PCDHGB5: variants seen among roughly 807,000 people sequenced by gnomAD.
The protein encoded by PCDHGB5 is protocadherin gamma-B5.
Under a neutral mutation model 62.9 loss-of-function variants are expected in PCDHGB5, and 48 were observed. That is an observed-to-expected ratio of 0.76 (90% CI 0.61 to 0.97). PCDHGB5 has a LOEUF of 0.97. PCDHGB5 is among the 50% of genes least tolerant of loss of function. The pLI is 0.00. For missense variants in PCDHGB5, 1,118 were observed against 1,198.6 expected (o/e 0.93, Z 0.99); for synonymous variants, 474 against 511.2 (o/e 0.93, Z 0.98).
At chr5:141,435,919 T>C (rs2097786247) in intron 1 of PCDHGB5, among the ~76,000 whole-genome samples, 2 of 152,148 alleles carry the variant, frequency 1.3e-5, no homozygotes, top group South Asian at 4.1e-4. Flanking sequence ...GGCTCTAAAA[T>C]GCGGCAGTTG....
At chr5:141,427,733 C>T (rs2097062553) in intron 1 of PCDHGB5, 2 of 1,200,562 alleles carry the variant, frequency 1.7e-6, no homozygotes, top group East Asian at 4.7e-5. Context: ...GGCTGAATGG[C>T]CAAGTCTCCT....
intron 1 of PCDHGB5, chr5:141,400,754 C>A (rs6880273): frequency 0.26 from 150,367 of 588,610 alleles, 21,664 homozygotes; most frequent in African/African-American, 0.5. Context: ...TTAGCTTCCT[C>A]TCTAGCAAAA....
At chr5:141,409,402 C>G (rs2095262140) in intron 1 of PCDHGB5, 2 of 1,613,924 alleles carry the variant, frequency 1.2e-6, no homozygotes, top group Non-Finnish European at 8.5e-7. Context: ...CTTCCAATAA[C>G]TACTACAAAC....
intron 1 of PCDHGB5, chr5:141,427,247 T>C (rs1409945260): frequency 2.2e-6 from 1 of 456,582 alleles, no homozygotes; most frequent in Non-Finnish European, 4.4e-6. Context: ...AAGCTAAGGA[T>C]GGTGGAGGCA....
rs2097461148 is a variant in PCDHGB5 at position 141,432,174 on chromosome 5, T to C, written c.2397+31650T>C. ...AACAATCCCAGAGGAGTTTCCCTCGTCTCTGTGACCGCCCACGACCCCGAC... is the reference window on the plus strand; with the variant it reads ...AACAATCCCAGAGGAGTTTCCCTCGCCTCTGTGACCGCCCACGACCCCGAC... On this transcript the variant is annotated intron_variant, in intron 1 of 3. Transcript: ENST00000617380. The surrounding 1 kb of genome is among the most constrained non-coding windows in gnomAD (Gnocchi z 6.0). 1 of 1,614,088 alleles carries C rather than the reference T, an allele frequency of 6.2e-7. No homozygotes were observed. Among genetic ancestry groups the C allele is most frequent in the Non-Finnish European group, 8.5e-7 (1 of 1,180,022 alleles).
chr5:141,419,259 C>G, intron 1 of PCDHGB5: 4 of 1,614,016 alleles, frequency 2.5e-6, no homozygotes, highest in Non-Finnish European at 2.5e-6. Context: ...AACAACCAGC[C>G]GGGTGCCTCC....
chr5:141,408,299 A>C, intron 1 of PCDHGB5: 1 of 1,613,662 alleles, frequency 6.2e-7, no homozygotes, highest in Non-Finnish European at 8.5e-7. Context: ...GAGTGAGCCG[A>C]TCCGCTACTC....
At chr5:141,447,824 G>A (rs926580893) in intron 1 of PCDHGB5, among the ~76,000 whole-genome samples, 7 of 152,034 alleles carry the variant, frequency 4.6e-5, no homozygotes, top group Admixed American at 1.3e-4. Flanking sequence ...GGTGGCTCAC[G>A]CCTGTAATCC....
intron 2 of PCDHGB5, among the ~76,000 whole-genome samples, chr5:141,499,829 G>A (rs1322405697): frequency 6.6e-6 from 1 of 151,548 alleles, no homozygotes; most frequent in African/African-American, 2.4e-5. Context: ...TAGGATTACA[G>A]GTGTGCACCA....
chr5:141,441,852 G>T (rs1169073404), intron 1 of PCDHGB5: 2 of 352,708 alleles, frequency 5.7e-6, no homozygotes, highest in African/African-American at 2.2e-5. Flanking sequence ...TGGATATGGT[G>T]CTGCACGCCG....
At chr5:141,453,969 A>T (rs543979166) in intron 1 of PCDHGB5, among the ~76,000 whole-genome samples, 13 of 152,356 alleles carry the variant, frequency 8.5e-5, no homozygotes, top group South Asian at 2.1e-4. Flanking sequence ...CAAAGCATGT[A>T]GTTGTGTTGC....
At position 141,399,543 on chromosome 5, in the gene PCDHGB5, C is replaced by T. The variant is rs2093831494; in HGVS notation, c.1416C>T (p.Ala472=). 3 of 1,614,042 alleles carry T rather than the reference C, an allele frequency of 1.9e-6. No homozygotes were observed. The highest frequency in any genetic ancestry group is 2.5e-6 in the Non-Finnish European group (3 of 1,179,896). ...PPGASIAQVC[A]SDLDLGLNGQ... ...GGGCCTCCATCGCGCAAGTCTGCGCCTCGGACCTGGACTTGGGGTTGAACG... is the reference window on the plus strand; with the variant it reads ...GGGCCTCCATCGCGCAAGTCTGCGCTTCGGACCTGGACTTGGGGTTGAACG... Residue 472 remains alanine (A), a synonymous_variant, in exon 1 of 4, where the codon GCC becomes GCT. Coordinates refer to ENST00000617380, the MANE Select transcript of PCDHGB5 (RefSeq NM_018925.3).
At chr5:141,423,967 A>C (rs760284844) in intron 1 of PCDHGB5, 11 of 1,153,498 alleles carry the variant, frequency 9.5e-6, no homozygotes, top group Non-Finnish European at 1.2e-5. Flanking sequence ...TTTTTCTATT[A>C]TCAGTGTATG....
At chr5:141,428,635 G>A (rs1411119011) in intron 1 of PCDHGB5, 1 of 180,288 alleles carries the variant, frequency 5.5e-6, no homozygotes, top group Non-Finnish European at 1.2e-5. Context: ...TAACTCTGTT[G>A]CTCCTACTCA....
In PCDHGB5 at chr5:141,489,950, A is replaced by G; in HGVS notation, c.2398-4857A>G. 2 of 1,614,192 alleles carry G rather than the reference A, an allele frequency of 1.2e-6. No individual in the cohort carries two copies. The highest frequency in any genetic ancestry group is 1.1e-5 in the South Asian group (1 of 91,088). ...TCTGTCATCGTGCTGGACATCAATG[A>G]TAATGCTCCAACCTTCCAATCCTCA... On this transcript the variant is annotated intron_variant, in intron 1 of 3. Transcript: ENST00000617380. The surrounding 1 kb of genome is among the most constrained non-coding windows in gnomAD (Gnocchi z 4.5).
chr5:141,405,050 G>T, intron 1 of PCDHGB5: 1 of 1,613,866 alleles, frequency 6.2e-7, no homozygotes, highest in South Asian at 1.1e-5. Flanking sequence ...TGTGGCAGTC[G>T]TCTCCTGTGT....
At chr5:141,483,980 G>A (rs1379963326) in intron 1 of PCDHGB5, among the ~76,000 whole-genome samples, 4 of 148,294 alleles carry the variant, frequency 2.7e-5, no homozygotes, top group Non-Finnish European at 5.9e-5. Flanking sequence ...CAAGGGAGTA[G>A]CTAGGTTGCT....
intron 1 of PCDHGB5, among the ~76,000 whole-genome samples, chr5:141,449,543 C>T (rs377524476): frequency 2.7e-5 from 4 of 147,148 alleles, no homozygotes; most frequent in Non-Finnish European, 4.5e-5. Context: ...GAGCCGAGAT[C>T]GCACCACTGC....
chr5:141,461,864 C>T (rs911351082), intron 1 of PCDHGB5, among the ~76,000 whole-genome samples: 5 of 151,900 alleles, frequency 3.3e-5, no homozygotes, highest in African/African-American at 9.7e-5. Context: ...GCTCTTGTTG[C>T]CCAGGCTGGA....
Sources: gnomAD v4.1 joint callset for allele counts (sites outside exome capture counted in the v4.1 genomes callset) on GRCh38, gnomAD v4.1.1 for gene constraint, Gnocchi (gnomAD v3.1) non-coding constraint, MANE v1.5 for transcripts, NCBI Gene and HGNC (gene_info 2026-07-23, HGNC 2026-07-21) for gene names.